The following RBFOX1 variants were observed in gnomAD, a reference collection of about 807,000 sequenced individuals.
The protein encoded by RBFOX1 is RNA binding protein fox-1 homolog 1.
In RBFOX1, 8 loss-of-function variants were observed where a neutral mutation model predicts 57.7. That is an observed-to-expected ratio of 0.14 (90% confidence interval 0.08 to 0.25). The LOEUF (loss-of-function observed/expected upper bound fraction) is 0.25, where lower values mean the gene tolerates loss of function less well. Among genes scored for constraint, RBFOX1 ranks in the 10% least tolerant of loss-of-function variants. RBFOX1 has a pLI of 1.00. For synonymous variants in RBFOX1, 326 were observed against 222.4 expected, an observed-to-expected ratio of 1.47 and a Z score of -4.15; for missense variants, 611 against 548.5, an observed-to-expected ratio of 1.11 and a Z score of -1.14.
intron 3 of RBFOX1, among the ~76,000 whole-genome samples, chr16:6,736,686 T>G (rs962996450): frequency 1.3e-5 from 2 of 152,214 alleles, no homozygotes; most frequent in African/African-American, 4.8e-5. Context: ...GTAGTGGGAT[T>G]GCTGGATCAA....
intron 5 of RBFOX1, among the ~76,000 whole-genome samples, chr16:7,541,202 C>A (rs891051571): frequency 6.6e-6 from 1 of 152,226 alleles, no homozygotes; most frequent in Non-Finnish European, 1.5e-5. Flanking sequence ...GCACAAAGAA[C>A]TCTTAGTGAG....
At chr16:6,167,527 G>A (rs1247433359) in intron 1 of RBFOX1, among the ~76,000 whole-genome samples, 1 of 152,026 alleles carries the variant, frequency 6.6e-6, no homozygotes, top group African/African-American at 2.4e-5. Context: ...TTGTTTTGGG[G>A]ACTGACAAAT....
intron 3 of RBFOX1, among the ~76,000 whole-genome samples, chr16:5,634,191 G>A (rs1305731691): frequency 6.6e-6 from 1 of 152,164 alleles, no homozygotes; most frequent in Non-Finnish European, 1.5e-5. Flanking sequence ...TTAACATTTT[G>A]GGTATTGCAA....
At chr16:7,126,003 A>G (rs1353087080) in intron 4 of RBFOX1, among the ~76,000 whole-genome samples, 1 of 152,172 alleles carries the variant, frequency 6.6e-6, no homozygotes, top group South Asian at 2.1e-4. Flanking sequence ...GAATCACTTG[A>G]ACCTGGGAGG....
intron 3 of RBFOX1, among the ~76,000 whole-genome samples, chr16:5,829,385 C>T (rs911582791): frequency 2.0e-5 from 3 of 152,128 alleles, no homozygotes; most frequent in Non-Finnish European, 4.4e-5. Context: ...TGAAGAGGCA[C>T]AGTGAGGGAG....
chr16:5,367,576 A>G (rs2065753210), intron 1 of RBFOX1, among the ~76,000 whole-genome samples: 1 of 152,204 alleles, frequency 6.6e-6, no homozygotes, highest in Non-Finnish European at 1.5e-5. Flanking sequence ...CCCAGTGGAT[A>G]CTATTACTTC....
intron 2 of RBFOX1, among the ~76,000 whole-genome samples, chr16:5,500,892 C>G (rs927644458): frequency 6.6e-6 from 1 of 152,202 alleles, no homozygotes; most frequent in East Asian, 1.9e-4. Flanking sequence ...ATCCCAAACT[C>G]CAGAGAGATG....
At chr16:5,483,857 C>G (rs1044957516) in intron 2 of RBFOX1, among the ~76,000 whole-genome samples, 1 of 152,166 alleles carries the variant, frequency 6.6e-6, no homozygotes, top group Non-Finnish European at 1.5e-5. Context: ...CCTCAAGAAT[C>G]TCTCACAGGC....
intron 2 of RBFOX1, among the ~76,000 whole-genome samples, chr16:5,570,467 T>C (rs2046243385): frequency 1.3e-5 from 2 of 152,210 alleles, no homozygotes; most frequent in Admixed American, 6.5e-5. Flanking sequence ...TGATAAGTTG[T>C]AGCCATTTGA....
At chr16:5,446,913 G>T (rs983945961) in intron 1 of RBFOX1, among the ~76,000 whole-genome samples, 3 of 152,038 alleles carry the variant, frequency 2.0e-5, no homozygotes, top group East Asian at 1.9e-4. Flanking sequence ...TCTCCCTGAG[G>T]CTCCGTTTCC....
At chr16:7,666,389 G>GGA (rs1555740864) in intron 13 of RBFOX1, among the ~76,000 whole-genome samples, 1 of 150,708 alleles carries the variant, frequency 6.6e-6, no homozygotes, top group Non-Finnish European at 1.5e-5. Context: ...ACCTACCCAA[G>GGA]AAAAAAAAAA....
intron 2 of RBFOX1, among the ~76,000 whole-genome samples, chr16:6,355,561 T>A (rs2152855913): frequency 6.6e-6 from 1 of 152,328 alleles, no homozygotes; most frequent in South Asian, 2.1e-4. Context: ...TGGTTCCAAG[T>A]CTTTGCTATT....
chr16:5,462,493 A>G (rs977856820), intron 1 of RBFOX1, among the ~76,000 whole-genome samples: 3 of 152,122 alleles, frequency 2.0e-5, no homozygotes. Context: ...TCTAATGCAC[A>G]TGGAACACCT....
intron 4 of RBFOX1, among the ~76,000 whole-genome samples, chr16:7,278,684 T>G (rs1056374732): frequency 6.6e-6 from 1 of 152,244 alleles, no homozygotes; most frequent in Non-Finnish European, 1.5e-5. Flanking sequence ...AATTTTATTT[T>G]TATTTCCTTT....
At position 6,019,918 on chromosome 16, in the gene RBFOX1, G is replaced by T; in HGVS notation, c.-201G>T. 1.3e-6 allele frequency: 2 copies of T among 1,534,984 alleles called. No individual in the cohort carries two copies. Among genetic ancestry groups the T allele is most frequent in the Middle Eastern group, 1.7e-4 (1 of 5,986 alleles). ...CAGCTTATGGTGAGTGTGGCTGGGG[G>T]TGCAGAGAGCGCACGGGAATTCGGG... On this transcript the variant is annotated 5_prime_UTR_variant, in exon 1 of 16. Coordinates refer to ENST00000550418, the MANE Select transcript of RBFOX1 (RefSeq NM_018723.4). The surrounding 1 kb of genome is among the most constrained non-coding windows in gnomAD (Gnocchi z 4.2).
intron 2 of RBFOX1, among the ~76,000 whole-genome samples, chr16:5,588,775 T>C (rs2046913048): frequency 6.6e-6 from 1 of 152,096 alleles, no homozygotes; most frequent in Non-Finnish European, 1.5e-5. Flanking sequence ...GTCAAGCCGG[T>C]CTTTTTTTGG....
chr16:5,891,847 C>A (rs943148392), intron 4 of RBFOX1, among the ~76,000 whole-genome samples: 1 of 152,168 alleles, frequency 6.6e-6, no homozygotes, highest in African/African-American at 2.4e-5. Flanking sequence ...TGGAGACCCT[C>A]CATCCTGTTC....
At chr16:7,345,905 G>T (rs1485116061) in intron 4 of RBFOX1, among the ~76,000 whole-genome samples, 1 of 151,936 alleles carries the variant, frequency 6.6e-6, no homozygotes, top group Non-Finnish European at 1.5e-5. Flanking sequence ...ATATACATGT[G>T]CCATGTTGGT....
chr16:7,688,260 T>TGTGTGAGAGA (rs1319185243), intron 14 of RBFOX1, among the ~76,000 whole-genome samples: 3 of 125,390 alleles, frequency 2.4e-5, no homozygotes, highest in African/African-American at 5.9e-5. Flanking sequence ...TGTGTGTGTG[T>TGTGTGAGAGA]GAGAGAGAGA....
Sources: allele counts gnomAD v4.1 joint callset (sites outside exome capture counted in the v4.1 genomes callset), GRCh38; gene constraint gnomAD v4.1.1; non-coding constraint Gnocchi (gnomAD v3.1); transcripts MANE v1.5; gene names NCBI Gene and HGNC (gene_info 2026-07-23, HGNC 2026-07-21).